PRR16: variants seen among roughly 807,000 people sequenced by gnomAD.
PRR16 encodes protein Largen.
PRR16 carries 6 observed loss-of-function variants against 18.2 expected under a neutral mutation model. The ratio of observed to expected loss-of-function variants is 0.33; its 90% CI spans 0.18 to 0.65. PRR16 has a LOEUF of 0.65. Among genes scored for constraint, PRR16 ranks in the 30% least tolerant of loss-of-function variants. The probability of loss-of-function intolerance (pLI) is 0.74; values close to 1 mark genes in which losing one functional copy is unlikely to be tolerated. For synonymous variants in PRR16, 151 were observed against 147.8 expected, an observed-to-expected ratio of 1.02 and a Z score of -0.16; for missense variants, 412 against 376.6, an observed-to-expected ratio of 1.09 and a Z score of -0.78.
intron 1 of PRR16, among the ~76,000 whole-genome samples, chr5:120,535,218 G>A (rs958563885): frequency 2.6e-5 from 4 of 152,106 alleles, no homozygotes; most frequent in Non-Finnish European, 4.4e-5. Flanking sequence ...ATGAGGAAGA[G>A]TAATATGTTT....
the PRR16 span, among the ~76,000 whole-genome samples, chr5:120,694,927 C>CTT: frequency 6.6e-6 from 1 of 152,106 alleles, no homozygotes; most frequent in African/African-American, 2.4e-5. Flanking sequence ...TGGTTTAAAA[C>CTT]TTAATTTTTC....
At chr5:120,737,721 C>T in the PRR16 span, among the ~76,000 whole-genome samples, 4 of 151,584 alleles carry the variant, frequency 2.6e-5, no homozygotes, top group Non-Finnish European at 5.9e-5. Flanking sequence ...TCAGTAAAGC[C>T]ATCCAGTACG....
chr5:120,464,685 C>G (rs887635434), intron 1 of PRR16, 40 bp downstream of exon 1: 2 of 1,500,024 alleles, frequency 1.3e-6, no homozygotes, highest in Non-Finnish European at 1.8e-6. Context: ...CGGCACCCTT[C>G]GACCCCTCCG....
intron 1 of PRR16, among the ~76,000 whole-genome samples, chr5:120,600,732 C>G (rs1338622320): frequency 6.6e-6 from 1 of 151,892 alleles, no homozygotes; most frequent in Non-Finnish European, 1.5e-5. Flanking sequence ...TTCTTACCCT[C>G]TCTTTGCAAG....
intron 1 of PRR16, 46 bp from the exon 2 acceptor site, chr5:120,685,908 T>C: frequency 6.5e-7 from 1 of 1,548,716 alleles, no homozygotes. Flanking sequence ...CTAGTATACT[T>C]TGTTTGGGTC....
At chr5:120,749,749 T>C in the PRR16 span, among the ~76,000 whole-genome samples, 1 of 152,166 alleles carries the variant, frequency 6.6e-6, no homozygotes, top group Non-Finnish European at 1.5e-5. Flanking sequence ...TTCTGTATAA[T>C]AGCAACAAAC....
chr5:120,547,502 C>G (rs958308844), intron 1 of PRR16, among the ~76,000 whole-genome samples: 6 of 151,878 alleles, frequency 4.0e-5, no homozygotes, highest in African/African-American at 1.5e-4. Context: ...CCTCTGTTTA[C>G]TTTTATATGT....
chr5:120,617,561 A>G (rs762099040), intron 1 of PRR16, among the ~76,000 whole-genome samples: 1 of 152,200 alleles, frequency 6.6e-6, no homozygotes, highest in African/African-American at 2.4e-5. Context: ...CGTCCAAGGT[A>G]TCACAATTAA....
At chr5:120,729,167 C>T in the PRR16 span, among the ~76,000 whole-genome samples, 1 of 152,060 alleles carries the variant, frequency 6.6e-6, no homozygotes, top group Non-Finnish European at 1.5e-5. Context: ...CTAGGCAGGA[C>T]AAATGTGAAC....
At chr5:120,696,233 C>T in the PRR16 span, among the ~76,000 whole-genome samples, 1 of 151,968 alleles carries the variant, frequency 6.6e-6, no homozygotes, top group African/African-American at 2.4e-5. Context: ...CAGAGTGAGG[C>T]TCCATCTCAA....
At chr5:120,747,348 T>A in the PRR16 span, among the ~76,000 whole-genome samples, 1 of 152,196 alleles carries the variant, frequency 6.6e-6, no homozygotes, top group African/African-American at 2.4e-5. Context: ...TAATTTGATA[T>A]GTAAATTAAG....
the PRR16 span, among the ~76,000 whole-genome samples, chr5:120,756,247 G>C: frequency 3.3e-5 from 5 of 152,130 alleles, no homozygotes; most frequent in South Asian, 1.0e-3. Flanking sequence ...AGTGGGGAGG[G>C]GCTTGCAAAG....
chr5:120,563,562 G>A (rs964926807), intron 1 of PRR16, among the ~76,000 whole-genome samples: 6 of 152,144 alleles, frequency 3.9e-5, no homozygotes, highest in Admixed American at 3.3e-4. Context: ...ACAGGCTAAT[G>A]TTCATTTAAA....
chr5:120,731,007 G>A, the PRR16 span, among the ~76,000 whole-genome samples: 3 of 152,106 alleles, frequency 2.0e-5, no homozygotes, highest in Non-Finnish European at 2.9e-5. Flanking sequence ...TATGATTAAA[G>A]CATAAATTAT....
At chr5:120,603,488 C>T (rs1194918047) in intron 1 of PRR16, among the ~76,000 whole-genome samples, 1 of 151,862 alleles carries the variant, frequency 6.6e-6, no homozygotes, top group African/African-American at 2.4e-5. Flanking sequence ...ATCAATCTTG[C>T]TTATTCTTTT....
At chr5:120,609,482 A>T (rs1415669659) in intron 1 of PRR16, among the ~76,000 whole-genome samples, 2 of 152,168 alleles carry the variant, frequency 1.3e-5, no homozygotes, top group Non-Finnish European at 2.9e-5. Flanking sequence ...TTGTTTTGAG[A>T]TCATTGCCAA....
At chr5:120,476,531 A>G (rs1222057472) in intron 1 of PRR16, among the ~76,000 whole-genome samples, 2 of 152,282 alleles carry the variant, frequency 1.3e-5, no homozygotes, top group East Asian at 3.9e-4. Flanking sequence ...TCTCACTGTT[A>G]TTATCTGATC....
At chr5:120,613,325 T>A (rs1754393115) in intron 1 of PRR16, among the ~76,000 whole-genome samples, 1 of 151,962 alleles carries the variant, frequency 6.6e-6, no homozygotes, top group South Asian at 2.1e-4. Context: ...TTATCATTGC[T>A]TTTTTGGTAA....
chr5:120,510,641 G>A (rs1750797289), intron 1 of PRR16, among the ~76,000 whole-genome samples: 1 of 152,066 alleles, frequency 6.6e-6, no homozygotes, highest in South Asian at 2.1e-4. Flanking sequence ...GAATGCACTG[G>A]GTGATGGGTG....
Sources: gnomAD v4.1 joint callset for allele counts (sites outside exome capture counted in the v4.1 genomes callset) on GRCh38, gnomAD v4.1.1 for gene constraint, MANE v1.5 for transcripts, NCBI Gene and HGNC (gene_info 2026-07-23, HGNC 2026-07-21) for gene names.